CAB39: variants seen among roughly 807,000 people sequenced by gnomAD.
CAB39 encodes the protein calcium binding protein 39.
In CAB39, 8 loss-of-function variants were observed where a neutral mutation model predicts 40.0. The observed-to-expected ratio is 0.20, with a 90% CI of 0.12 to 0.36. The LOEUF is 0.36. CAB39 is among the 10% of genes least tolerant of loss of function. The probability of loss-of-function intolerance (pLI) is 1.00; values close to 1 mark genes in which losing one functional copy is unlikely to be tolerated. For missense variants in CAB39, 270 were observed against 401.1 expected, an observed-to-expected ratio of 0.67 and a Z score of 2.79; for synonymous variants, 156 against 141.6, an observed-to-expected ratio of 1.10 and a Z score of -0.72.
At chr2:230,799,124 G>A in intron 5 of CAB39, 1 of 437,206 alleles carries the variant, frequency 2.3e-6, no homozygotes, top group South Asian at 5.4e-5. Flanking sequence ...GTCCTGTGTG[G>A]TCAAAATTCT....
chr2:230,774,506 A>G (rs1695550695), intron 2 of CAB39, among the ~76,000 whole-genome samples: 1 of 152,198 alleles, frequency 6.6e-6, no homozygotes, highest in Admixed American at 6.5e-5. Flanking sequence ...TTTCACTGCC[A>G]ACAACCAAAC....
chr2:230,817,519 A>G (rs1035149048), intron 7 of CAB39, among the ~76,000 whole-genome samples: 1 of 152,140 alleles, frequency 6.6e-6, no homozygotes, highest in African/African-American at 2.4e-5. Context: ...CATCCTCTGC[A>G]GAGAGAAGCG....
Position 230,740,813 on chromosome 2 carries a change from G to A in CAB39, c.-43-19146G>A, listed in dbSNP as rs576866877. ...CTGGACCCGTACCACTCCACAGCCC[G>A]GGGGCTGGGGACCCCTGCAGTAGTA... On this transcript the variant is annotated intron_variant, in intron 1 of 8. Coordinates refer to ENST00000258418, the MANE Select transcript of CAB39 (RefSeq NM_016289.4). 3.5e-4 allele frequency among the ~76,000 whole-genome samples: 53 copies of A among 152,262 alleles called. 1 individual carries two copies. In the South Asian group the frequency reaches 0.011, roughly 30 times the overall value.
At chr2:230,754,186 A>T (rs1374794639) in intron 1 of CAB39, among the ~76,000 whole-genome samples, 4 of 152,180 alleles carry the variant, frequency 2.6e-5, no homozygotes, top group Non-Finnish European at 5.9e-5. Context: ...TTATTGGGAT[A>T]CAGGTAGTAT....
chr2:230,722,001 T>G (rs1409367928), intron 1 of CAB39, among the ~76,000 whole-genome samples: 1 of 152,110 alleles, frequency 6.6e-6, no homozygotes, highest in Admixed American at 6.5e-5. Context: ...GATAATTTTT[T>G]GTCAGTTGGA....
chr2:230,797,151 T>G (rs1448414937), intron 4 of CAB39, among the ~76,000 whole-genome samples: 2 of 152,090 alleles, frequency 1.3e-5, no homozygotes, highest in Non-Finnish European at 2.9e-5. Flanking sequence ...CAGGTATGAA[T>G]TAATGTAGCA....
intron 2 of CAB39, among the ~76,000 whole-genome samples, chr2:230,774,522 T>C (rs976595221): frequency 4.6e-5 from 7 of 152,066 alleles, no homozygotes; most frequent in Admixed American, 4.6e-4. Context: ...CAAACAGATG[T>C]GGTGTATGTG....
At chr2:230,792,409 A>G (rs1033085094) in intron 3 of CAB39, among the ~76,000 whole-genome samples, 11 of 152,214 alleles carry the variant, frequency 7.2e-5, no homozygotes, top group Admixed American at 2.0e-4. Context: ...TGCGGGGCCC[A>G]GGATGATCTC....
intron 1 of CAB39, chr2:230,725,015 G>C (rs1307120866): frequency 2.6e-6 from 3 of 1,151,288 alleles, no homozygotes; most frequent in Non-Finnish European, 2.5e-6. Flanking sequence ...ACTCCCAAAA[G>C]ACCCCGGAGT....
intron 1 of CAB39, chr2:230,713,906 C>T (rs1329773294): frequency 6.6e-6 from 1 of 152,304 alleles, no homozygotes; most frequent in African/African-American, 2.4e-5. Flanking sequence ...GTGATAAGTC[C>T]TGTGAAAGAA....
rs1436570813 is a variant in CAB39 at position 230,748,828 on chromosome 2, AAAAATATATATAT to A, written c.-43-11129_-43-11117del. On this transcript the variant is annotated intron_variant, in intron 1 of 8. Coordinates refer to ENST00000258418, the MANE Select transcript of CAB39 (RefSeq NM_016289.4). The stretch of plus-strand genomic sequence containing the variant: ...TTTCCAAAAAGAAAAAAAAAAAAAA[AAAAATATATATAT>A]ATATATATATATATATATATATATA... 2.3e-3 allele frequency among the ~76,000 whole-genome samples: 144 copies of A among 62,742 alleles called. 2 individuals carry two copies. The highest frequency in any genetic ancestry group is 0.011 in the African/African-American group (116 of 11,032). The allele number at this position is 62,742 out of a possible 152,430, so 41.2% of individuals were successfully genotyped here.
At chr2:230,721,877 G>A (rs546157577) in intron 1 of CAB39, among the ~76,000 whole-genome samples, 21 of 152,132 alleles carry the variant, frequency 1.4e-4, no homozygotes, top group Middle Eastern at 3.4e-3. Context: ...CTCCCCCCCA[G>A]GAAATACCCA....
intron 8 of CAB39, chr2:230,818,135 C>G: frequency 2.0e-6 from 1 of 488,542 alleles, no homozygotes. Context: ...TATCTTTGGC[C>G]TAGAAGATTA....
intron 1 of CAB39, among the ~76,000 whole-genome samples, chr2:230,718,203 C>A (rs574827983): frequency 6.6e-6 from 1 of 152,302 alleles, no homozygotes; most frequent in South Asian, 2.1e-4. Flanking sequence ...AAAGATCACA[C>A]ACTTTATTTG....
chr2:230,745,937 T>TA (rs1261666757), intron 1 of CAB39, among the ~76,000 whole-genome samples: 6 of 151,356 alleles, frequency 4.0e-5, no homozygotes, highest in Non-Finnish European at 5.9e-5. Flanking sequence ...ATCTTTAAAT[T>TA]AAAAAAAAAA....
intron 2 of CAB39, among the ~76,000 whole-genome samples, chr2:230,770,670 G>A (rs764170585): frequency 2.0e-5 from 3 of 152,146 alleles, no homozygotes; most frequent in Non-Finnish European, 4.4e-5. Context: ...TATGTCTCAC[G>A]AACATAGATG....
At chr2:230,818,042 C>A in intron 8 of CAB39, 145 bp downstream of exon 8, 1 of 718,660 alleles carries the variant, frequency 1.4e-6, no homozygotes, top group Non-Finnish European at 2.3e-6. Context: ...TGTGCTATGA[C>A]TTTTAAACAG....
chr2:230,753,860 C>T (rs1271890440), intron 1 of CAB39, among the ~76,000 whole-genome samples: 2 of 151,956 alleles, frequency 1.3e-5, no homozygotes, highest in Non-Finnish European at 2.9e-5. Flanking sequence ...TCTTCGTGAA[C>T]TTCAGTTATG....
At chr2:230,807,225 C>T (rs1696212156) in intron 5 of CAB39, among the ~76,000 whole-genome samples, 1 of 152,052 alleles carries the variant, frequency 6.6e-6, no homozygotes, top group African/African-American at 2.4e-5. Flanking sequence ...CCCTCCCACC[C>T]ACACTCACCC....
Sources: allele counts gnomAD v4.1 joint callset (sites outside exome capture counted in the v4.1 genomes callset), GRCh38; gene constraint gnomAD v4.1.1; transcripts MANE v1.5; gene names NCBI Gene and HGNC (gene_info 2026-07-23, HGNC 2026-07-21).